The following SNAP47 variants were observed in gnomAD, a reference collection of about 807,000 sequenced individuals.
SNAP47 encodes synaptosomal-associated protein 47.
SNAP47 carries 20 observed loss-of-function variants against 31.4 expected under a neutral mutation model. The observed-to-expected ratio is 0.64, with a 90% CI of 0.45 to 0.93. The LOEUF (loss-of-function observed/expected upper bound fraction) is 0.93. Among genes scored for constraint, SNAP47 ranks in the 40% least tolerant of loss-of-function variants. The pLI is 0.00. For synonymous variants in SNAP47, 194 were observed against 213.4 expected (o/e 0.91, Z 0.79); for missense variants, 492 against 528.5 (o/e 0.93, Z 0.68).
chr1:227,769,225 C>T (rs367842594), intron 4 of SNAP47, among the ~76,000 whole-genome samples: 5 of 152,148 alleles, frequency 3.3e-5, no homozygotes, highest in South Asian at 2.1e-4. Context: ...CCGGGAGGAA[C>T]AGGCTTCACA....
chr1:227,760,970 A>G (rs1462990920), intron 3 of SNAP47, among the ~76,000 whole-genome samples: 1 of 152,216 alleles, frequency 6.6e-6, no homozygotes, highest in East Asian at 1.9e-4. Context: ...GAATGTCATA[A>G]AAGACTCCAT....
intron 1 of SNAP47, 27 bp downstream of exon 1, chr1:227,735,526 C>T (rs765222305): frequency 2.2e-6 from 3 of 1,373,206 alleles, no homozygotes; most frequent in Non-Finnish European, 2.8e-6. Context: ...GTCTGTTGGG[C>T]GCCCGGCCCA....
At chr1:227,738,708 G>T (rs983189647) in intron 1 of SNAP47, among the ~76,000 whole-genome samples, 3 of 152,210 alleles carry the variant, frequency 2.0e-5, no homozygotes, top group Non-Finnish European at 2.9e-5. Context: ...GATCATGGGA[G>T]GCCAATGGGG....
At chr1:227,764,930 C>T (rs1663295564) in intron 3 of SNAP47, among the ~76,000 whole-genome samples, 1 of 152,070 alleles carries the variant, frequency 6.6e-6, no homozygotes, top group Non-Finnish European at 1.5e-5. Context: ...CAAAAATTAG[C>T]AGGTCGTAGT....
At chr1:227,766,483 C>T (rs1395028782) in intron 3 of SNAP47, among the ~76,000 whole-genome samples, 1 of 152,194 alleles carries the variant, frequency 6.6e-6, no homozygotes, top group Admixed American at 6.5e-5. Context: ...AGCCTGACCA[C>T]GGGCAGCTCT....
At chr1:227,742,354 C>T (rs1661666243) in intron 1 of SNAP47, among the ~76,000 whole-genome samples, 1 of 152,164 alleles carries the variant, frequency 6.6e-6, no homozygotes, top group South Asian at 2.1e-4. Context: ...CCTACCTCAG[C>T]CTCCTGAGTA....
At chr1:227,728,877 A>T (rs530014735) in intron 1 of SNAP47, 1 of 152,402 alleles carries the variant, frequency 6.6e-6, no homozygotes, top group Non-Finnish European at 1.5e-5. Flanking sequence ...AAGGCCTCCG[A>T]TGGGAGCAGG....
chr1:227,733,988 G>A (rs1660867809), upstream of SNAP47: 2 of 1,613,886 alleles, frequency 1.2e-6, no homozygotes, highest in Non-Finnish European at 1.7e-6. Context: ...CCAGTCGGAC[G>A]AGAAGTACAC....
intron 3 of SNAP47, among the ~76,000 whole-genome samples, chr1:227,764,633 C>T (rs1310217528): frequency 3.9e-5 from 6 of 152,094 alleles, no homozygotes; most frequent in East Asian, 1.9e-4. Context: ...AAGCCAGGCG[C>T]GGTGGCTCAC....
At chr1:227,737,493 A>G (rs968132196) in intron 1 of SNAP47, among the ~76,000 whole-genome samples, 1 of 152,234 alleles carries the variant, frequency 6.6e-6, no homozygotes, top group Non-Finnish European at 1.5e-5. Context: ...ACACTGGGCT[A>G]TCTCATTCCA....
intron 4 of SNAP47, among the ~76,000 whole-genome samples, chr1:227,774,111 G>T (rs1433575775): frequency 6.6e-6 from 1 of 152,180 alleles, no homozygotes; most frequent in Non-Finnish European, 1.5e-5. Context: ...CCATCTCCCA[G>T]CCTGTGGCCC....
chr1:227,731,486 G>A (rs1157258935), upstream of SNAP47: 1 of 152,288 alleles, frequency 6.6e-6, no homozygotes, highest in African/African-American at 2.4e-5. Flanking sequence ...GACAGGGCTG[G>A]GAGAGTGCCA....
At position 227,780,672 on chromosome 1, in the gene SNAP47, A is replaced by G; in HGVS notation, c.1259A>G (p.Ter420TrpextTer115). ...KHNRRMKRLT[*>W] is the part of the protein sequence containing the mutation. Reference sequence around the variant, plus strand: ...AACAGGCGGATGAAGAGGCTGACCTAGGGGCAGAACGTCCCTGCATTCCTG... The same window carrying G: ...AACAGGCGGATGAAGAGGCTGACCTGGGGGCAGAACGTCCCTGCATTCCTG... The change falls in exon 5 of 5, where the codon TAG becomes TGG. Residue 420 changes from the stop codon to tryptophan, a stop_lost. Coordinates refer to ENST00000617596, the MANE Select transcript of SNAP47 (RefSeq NM_053052.4). The G allele has an allele frequency of 6.2e-7, 1 of 1,614,106 alleles. No homozygotes were observed. Among genetic ancestry groups the G allele is most frequent in the Non-Finnish European group, 8.5e-7 (1 of 1,179,980 alleles).
In SNAP47 at chr1:227,763,402, A is replaced by C. The variant is rs1371478299; in HGVS notation, c.989-3557A>C. ...TTCCCCGGGCCGTGTGTCTGTCTGC[A>C]CAGCAGCACCAGCAGCAGGACAGGG... On this transcript the variant is annotated intron_variant, in intron 3 of 4. Coordinates refer to ENST00000617596, the MANE Select transcript of SNAP47 (RefSeq NM_053052.4). The surrounding 1 kb of genome is among the most constrained non-coding windows in gnomAD (Gnocchi z 4.2). Among the ~76,000 whole-genome samples the C allele has an allele frequency of 6.6e-6, 1 of 152,168 alleles. No individual in the cohort carries two copies. Among genetic ancestry groups the C allele is most frequent in the Non-Finnish European group, 1.5e-5 (1 of 68,030 alleles).
At chr1:227,774,072 T>C (rs1045798439) in intron 4 of SNAP47, among the ~76,000 whole-genome samples, 4 of 152,206 alleles carry the variant, frequency 2.6e-5, no homozygotes, top group African/African-American at 9.7e-5. Flanking sequence ...CTCTCTAGGC[T>C]TGTTGAGGGC....
intron 1 of SNAP47, among the ~76,000 whole-genome samples, chr1:227,743,596 C>T (rs1190730826): frequency 1.3e-5 from 2 of 152,256 alleles, no homozygotes; most frequent in Non-Finnish European, 2.9e-5. Context: ...CTAGAAGGTT[C>T]TCTGACACCT....
Position 227,759,193 on chromosome 1 carries a change from C to T in SNAP47, c.696C>T (p.Val232=). ...ACGTTAAACCAGGGAGGCTCACCGT[C>T]CTTGTGTCTGGGTTGGAAATACATG... The part of the protein sequence containing the change: ...ESHVKPGRLT[V]LVSGLEIHDS... Residue 232 remains valine, a synonymous_variant, in exon 3 of 5, where the codon GTC becomes GTT. Coordinates refer to ENST00000617596, the MANE Select transcript of SNAP47 (RefSeq NM_053052.4). 1 of 1,614,190 alleles carries T rather than the reference C, an allele frequency of 6.2e-7. No individual in the cohort carries two copies. The highest frequency in any genetic ancestry group is 8.5e-7 in the Non-Finnish European group (1 of 1,180,040).
At chr1:227,747,538 G>A (rs182612809) in intron 1 of SNAP47, among the ~76,000 whole-genome samples, 154 bp from the exon 2 acceptor site, 158 of 152,316 alleles carry the variant, frequency 1.0e-3, no homozygotes, top group Non-Finnish European at 1.9e-3. Context: ...GAGGGTACAT[G>A]GGCTTCGTCA....
At chr1:227,755,423 G>A (rs2102942458) in intron 2 of SNAP47, among the ~76,000 whole-genome samples, 2 of 152,146 alleles carry the variant, frequency 1.3e-5, no homozygotes, top group Middle Eastern at 6.8e-3. Flanking sequence ...GTCTCGCTCT[G>A]TCACCCAGGC....
Sources: allele counts gnomAD v4.1 joint callset (sites outside exome capture counted in the v4.1 genomes callset), GRCh38; gene constraint gnomAD v4.1.1; non-coding constraint Gnocchi (gnomAD v3.1); transcripts MANE v1.5; gene names NCBI Gene and HGNC (gene_info 2026-07-23, HGNC 2026-07-21).